FAM167A: variants seen among roughly 807,000 people sequenced by gnomAD.
The protein encoded by FAM167A is family with sequence similarity 167 member A, also known as protein FAM167A.
In FAM167A, 23 loss-of-function variants were observed where a neutral mutation model predicts 14.9. That is an observed-to-expected ratio of 1.55 (90% CI 1.11 to 2.19). The LOEUF (loss-of-function observed/expected upper bound fraction) is 2.19. Ranked by LOEUF, FAM167A falls within the 30% of genes most tolerant of loss-of-function variation. The probability of loss-of-function intolerance (pLI) is 0.00; values close to 1 mark genes in which losing one functional copy is unlikely to be tolerated. For synonymous variants in FAM167A, 174 were observed against 117.7 expected, an observed-to-expected ratio of 1.48 and a Z score of -3.10; for missense variants, 401 against 281.5, an observed-to-expected ratio of 1.42 and a Z score of -3.04.
Position 11,423,061 on chromosome 8 carries a change from T to TAAAC in FAM167A, c.*1308_*1311dup, listed in dbSNP as rs1194357342. The TAAAC allele has an allele frequency of 6.6e-6, 1 of 152,646 alleles. No individual in the cohort carries two copies. Among genetic ancestry groups the TAAAC allele is most frequent in the Non-Finnish European group, 1.5e-5 (1 of 68,034 alleles). The allele number at this position is 152,646 out of a possible 1,614,324, so 9.5% of individuals were successfully genotyped here. A position where few individuals can be genotyped will look rare whatever the true frequency, so the allele number is the denominator to read the frequency against. On this transcript the variant is annotated 3_prime_UTR_variant, in exon 3 of 3. Transcript: ENST00000284486. ...TTTCACACATCAATATTCTATAGCC[T>TAAAC]AAACAGCTGTGCAACCTGAGGGAAG...
At chr8:11,447,368 A>G (rs1432642646) in intron 1 of FAM167A, among the ~76,000 whole-genome samples, 1 of 151,966 alleles carries the variant, frequency 6.6e-6, no homozygotes, top group African/African-American at 2.4e-5. Flanking sequence ...TTTTTAGTAG[A>G]GACAAGGTTT....
upstream of FAM167A, among the ~76,000 whole-genome samples, chr8:11,471,340 G>C (rs1807955512): frequency 6.6e-6 from 1 of 152,326 alleles, no homozygotes; most frequent in South Asian, 2.1e-4. Flanking sequence ...TGAGGAAGGA[G>C]CGCATCACGG....
chr8:11,460,414 G>T (rs1807493000), intron 1 of FAM167A, among the ~76,000 whole-genome samples: 1 of 152,164 alleles, frequency 6.6e-6, no homozygotes, highest in Admixed American at 6.5e-5. Flanking sequence ...CCTGACACAT[G>T]CAGAGTCAGC....
At chr8:11,433,817 C>A (rs1157178693) in intron 2 of FAM167A, 1 of 152,234 alleles carries the variant, frequency 6.6e-6, no homozygotes, top group African/African-American at 2.4e-5. Context: ...AGGCCCAGAA[C>A]ATGTTCCACT....
intron 1 of FAM167A, among the ~76,000 whole-genome samples, chr8:11,472,962 G>C (rs1168786649): frequency 1.3e-5 from 2 of 152,202 alleles, no homozygotes; most frequent in African/African-American, 2.4e-5. Context: ...CAAGATAAAA[G>C]AAACAGGCTG....
rs535041065 is a variant in FAM167A, at chr8:11,456,786, C to T, written c.-398+9840G>A. ...GTGGTGCTGGATTAGGGGAGTGCGGCTGGCTAAGGGAAGTGAGTGGGGCTG... is the reference window on the plus strand; with the variant it reads ...GTGGTGCTGGATTAGGGGAGTGCGGTTGGCTAAGGGAAGTGAGTGGGGCTG... On this transcript the variant is annotated intron_variant, in intron 1 of 2. Transcript: ENST00000284486. Among the ~76,000 whole-genome samples the T allele has an allele frequency of 2.6e-4, 37 of 139,740 alleles. No homozygotes were observed. The East Asian group carries it at 5.3e-3, about 20-fold the overall frequency. 91.7% of individuals were successfully genotyped at this position (139,740 alleles called of 152,430 possible).
chr8:11,460,653 A>G (rs565172755), intron 1 of FAM167A, among the ~76,000 whole-genome samples: 1 of 152,034 alleles, frequency 6.6e-6, no homozygotes, highest in South Asian at 2.1e-4. Context: ...GCATTTGCAA[A>G]TTTTTTTCCC....
intron 1 of FAM167A, among the ~76,000 whole-genome samples, chr8:11,463,443 C>T (rs1807621154): frequency 6.6e-6 from 1 of 152,204 alleles, no homozygotes; most frequent in Admixed American, 6.5e-5. Context: ...TAAGCATGAG[C>T]CTGCTGACCT....
intron 2 of FAM167A, among the ~76,000 whole-genome samples, chr8:11,426,545 A>G (rs1805172894): frequency 6.6e-6 from 1 of 152,220 alleles, no homozygotes; most frequent in South Asian, 2.1e-4. Flanking sequence ...ACAGGTGTCA[A>G]CAATTTAGAA....
chr8:11,434,999 C>G, intron 2 of FAM167A: 1 of 456,302 alleles, frequency 2.2e-6, no homozygotes, highest in South Asian at 1.6e-5. Flanking sequence ...ACCTCAGCTC[C>G]CAGCATCTGG....
At chr8:11,452,607 G>A (rs1807070026) in intron 1 of FAM167A, among the ~76,000 whole-genome samples, 1 of 152,190 alleles carries the variant, frequency 6.6e-6, no homozygotes, top group Non-Finnish European at 1.5e-5. Context: ...CACCCCACGA[G>A]GTTGCCTCGG....
At position 11,423,364 on chromosome 8, in the gene FAM167A, A is replaced by C. The variant is rs2116964656; in HGVS notation, c.*1009T>G. 1 of 152,762 alleles carries C rather than the reference A, an allele frequency of 6.5e-6. No homozygotes were observed. The highest frequency in any genetic ancestry group is 1.5e-5 in the Non-Finnish European group (1 of 68,040). 9.5% of individuals were successfully genotyped at this position (152,762 alleles called of 1,614,324 possible). On this transcript the variant is annotated 3_prime_UTR_variant, in exon 3 of 3. Transcript: ENST00000284486. ...TTCCGCATTTGGACAAAAATCAGTT[A>C]CTAACAAGTGAACAACACATCAGTA...
At chr8:11,460,569 T>G (rs1807498929) in intron 1 of FAM167A, among the ~76,000 whole-genome samples, 1 of 152,220 alleles carries the variant, frequency 6.6e-6, no homozygotes, top group Admixed American at 6.5e-5. Context: ...TGGTTGCACT[T>G]CAGCTCAGGA....
chr8:11,428,207 TAA>T (rs1805319141), intron 2 of FAM167A, among the ~76,000 whole-genome samples: 1 of 152,224 alleles, frequency 6.6e-6, no homozygotes. Flanking sequence ...GCCAGGTGTC[TAA>T]GACTATCTGT....
chr8:11,429,606 A>G (rs1805434207), intron 2 of FAM167A, among the ~76,000 whole-genome samples: 2 of 152,224 alleles, frequency 1.3e-5, no homozygotes, highest in African/African-American at 4.8e-5. Flanking sequence ...CAGAGAAGTA[A>G]AGGAACGGCT....
intron 2 of FAM167A, among the ~76,000 whole-genome samples, chr8:11,440,984 TCA>T (rs929636587): frequency 6.6e-6 from 1 of 152,068 alleles, no homozygotes; most frequent in African/African-American, 2.4e-5. Flanking sequence ...CGCTGAACTC[TCA>T]GTTTTCAATC....
chr8:11,456,838 T>C (rs1333196503), intron 1 of FAM167A, among the ~76,000 whole-genome samples: 2 of 137,672 alleles, frequency 1.5e-5, no homozygotes, highest in East Asian at 4.3e-4. Context: ...GGGGCTGGGT[T>C]AGGGAAGTGG....
chr8:11,456,174 G>C (rs1302841260), intron 1 of FAM167A, among the ~76,000 whole-genome samples: 1 of 127,208 alleles, frequency 7.9e-6, no homozygotes, highest in East Asian at 2.5e-4. Context: ...TTGCCTTGCT[G>C]TGTGTGTGTG....
chr8:11,460,123 G>C (rs1417076106), intron 1 of FAM167A, among the ~76,000 whole-genome samples: 3 of 152,388 alleles, frequency 2.0e-5, no homozygotes, highest in East Asian at 1.9e-4. Context: ...ACCAGTGTGA[G>C]AGGATGGGTA....
Sources: allele counts gnomAD v4.1 joint callset (sites outside exome capture counted in the v4.1 genomes callset), GRCh38; gene constraint gnomAD v4.1.1; transcripts MANE v1.5; gene names NCBI Gene and HGNC (gene_info 2026-07-23, HGNC 2026-07-21).